NLGN1: variants seen among roughly 807,000 people sequenced by gnomAD.
NLGN1 encodes neuroligin 1, also known as neuroligin-1.
NLGN1 carries 12 observed loss-of-function variants against 65.5 expected under a neutral mutation model. The ratio of observed to expected loss-of-function variants is 0.18; its 90% CI spans 0.12 to 0.30. The LOEUF (loss-of-function observed/expected upper bound fraction) is 0.30, where lower values mean the gene tolerates loss of function less well. NLGN1 is among the 10% of genes least tolerant of loss of function. The pLI is 1.00. For missense variants in NLGN1, 750 were observed against 1,007.1 expected (o/e 0.74, Z 3.46); for synonymous variants, 350 against 359.5 (o/e 0.97, Z 0.30).
chr3:173,709,206 C>T (rs1216290729), intron 3 of NLGN1, among the ~76,000 whole-genome samples: 1 of 152,154 alleles, frequency 6.6e-6, no homozygotes, highest in African/African-American at 2.4e-5. Flanking sequence ...CATGAGTCAG[C>T]CCAGGGCTCT....
intron 3 of NLGN1, among the ~76,000 whole-genome samples, chr3:173,644,004 C>G (rs924667113): frequency 6.6e-6 from 1 of 152,192 alleles, no homozygotes; most frequent in African/African-American, 2.4e-5. Flanking sequence ...ATCACCTGAG[C>G]CCTGGGGCTG....
intron 3 of NLGN1, among the ~76,000 whole-genome samples, chr3:173,712,129 T>C (rs938347372): frequency 6.6e-6 from 1 of 152,180 alleles, no homozygotes; most frequent in Non-Finnish European, 1.5e-5. Flanking sequence ...TAATAATGTA[T>C]GGGGTATGTA....
chr3:173,887,736 T>C (rs918003712), intron 4 of NLGN1, among the ~76,000 whole-genome samples: 37 of 147,718 alleles, frequency 2.5e-4, no homozygotes, highest in African/African-American at 8.5e-4. Flanking sequence ...AAACAGTTTT[T>C]GCTTTCTAAA....
intron 3 of NLGN1, among the ~76,000 whole-genome samples, chr3:173,615,758 TTTTA>T (rs903278051): frequency 1.3e-5 from 2 of 151,878 alleles, no homozygotes; most frequent in African/African-American, 4.8e-5. Flanking sequence ...TTTTTTTTTT[TTTTA>T]AAGCCTAAAG....
At chr3:173,457,141 A>C (rs1373816424) in intron 2 of NLGN1, among the ~76,000 whole-genome samples, 1 of 152,090 alleles carries the variant, frequency 6.6e-6, no homozygotes, top group Non-Finnish European at 1.5e-5. Context: ...AAGGGTGGTG[A>C]ATGAGTTGAG....
At chr3:174,243,294 C>G (rs899964070) in intron 4 of NLGN1, among the ~76,000 whole-genome samples, 3 of 152,140 alleles carry the variant, frequency 2.0e-5, no homozygotes, top group African/African-American at 7.2e-5. Flanking sequence ...TCTATCTTCC[C>G]AGATCCAGGG....
chr3:173,436,536 C>T (rs906695625), intron 2 of NLGN1, among the ~76,000 whole-genome samples: 39 of 152,138 alleles, frequency 2.6e-4, no homozygotes, highest in Admixed American at 2.3e-3. Context: ...TAATTTTAGG[C>T]GTGGTTTAAC....
intron 4 of NLGN1, among the ~76,000 whole-genome samples, chr3:173,962,881 A>C (rs999804972): frequency 6.6e-6 from 1 of 152,146 alleles, no homozygotes; most frequent in Non-Finnish European, 1.5e-5. Context: ...GAGTTAGTCT[A>C]TAATCTTTTC....
intron 4 of NLGN1, among the ~76,000 whole-genome samples, chr3:173,995,665 CTT>C (rs66538676): frequency 7.2e-6 from 1 of 139,654 alleles, no homozygotes; most frequent in African/African-American, 2.6e-5. Flanking sequence ...TTCTTTCATT[CTT>C]TTTTTTTTTT....
At chr3:173,574,933 A>G (rs537781401) in intron 2 of NLGN1, among the ~76,000 whole-genome samples, 4 of 152,344 alleles carry the variant, frequency 2.6e-5, no homozygotes, top group African/African-American at 7.2e-5. Flanking sequence ...CACCTAGGCT[A>G]GAGTGCAGTG....
intron 3 of NLGN1, among the ~76,000 whole-genome samples, chr3:173,702,196 G>A (rs113022779): frequency 1.9e-4 from 27 of 145,576 alleles, no homozygotes; most frequent in African/African-American, 5.9e-4. Flanking sequence ...CCGAGATCCC[G>A]CCACTGCACT....
At chr3:173,772,667 C>CA (rs1779752507) in intron 3 of NLGN1, among the ~76,000 whole-genome samples, 1 of 152,078 alleles carries the variant, frequency 6.6e-6, no homozygotes, top group South Asian at 2.1e-4. Context: ...ATATGCCCCA[C>CA]ATTTTGTTTA....
chr3:173,742,701 T>A (rs1429723723), intron 3 of NLGN1, among the ~76,000 whole-genome samples: 1 of 152,124 alleles, frequency 6.6e-6, no homozygotes, highest in African/African-American at 2.4e-5. Context: ...CCCCTGAGAG[T>A]TCAGTCTACA....
chr3:174,184,736 A>G (rs1478173523), intron 4 of NLGN1, among the ~76,000 whole-genome samples: 1 of 152,216 alleles, frequency 6.6e-6, no homozygotes, highest in Non-Finnish European at 1.5e-5. Context: ...AAATGCTAAC[A>G]GTGGGATCAG....
At position 173,811,687 on chromosome 3, in the gene NLGN1, CAT is replaced by C. The variant is rs1470606913; in HGVS notation, c.646+3856_646+3857del. ...ATGTTCTGATTGTAACTAGGGTAAA[CAT>C]GTTCTTATGGACAAGAATTATAGAA... On this transcript the variant is annotated intron_variant, in intron 4 of 6. Coordinates refer to ENST00000457714, the Ensembl canonical transcript of NLGN1. Among the ~76,000 whole-genome samples, 10 of 150,352 alleles carry C rather than the reference CAT, an allele frequency of 6.7e-5. No homozygotes were observed. In the East Asian group the frequency reaches 1.6e-3, roughly 24 times the overall value.
At chr3:174,107,017 CAGAG>C (rs71162376) in intron 4 of NLGN1, among the ~76,000 whole-genome samples, 6,645 of 97,496 alleles carry the variant, frequency 0.068, 247 homozygotes, top group African/African-American at 0.11. Context: ...CACACACACA[CAGAG>C]AGAGAGAGAG....
chr3:173,873,871 G>C (rs1731642663), intron 4 of NLGN1, among the ~76,000 whole-genome samples: 1 of 152,136 alleles, frequency 6.6e-6, no homozygotes. Context: ...TCTATTTAGA[G>C]ACAGGACCTC....
exon 3 of NLGN1, chr3:173,604,872 G>A (rs1052981284): frequency 2.5e-6 from 4 of 1,613,642 alleles, no homozygotes; most frequent in Admixed American, 1.7e-5. Flanking sequence ...ACCAACAGGG[G>A]AACGTCGTTT....
At chr3:173,423,053 G>C (rs140729364) in intron 1 of NLGN1, among the ~76,000 whole-genome samples, 3 of 152,124 alleles carry the variant, frequency 2.0e-5, no homozygotes, top group Non-Finnish European at 2.9e-5. Context: ...GGTAGAGGGC[G>C]AAGGAGAAGC....
Sources: allele counts gnomAD v4.1 joint callset (sites outside exome capture counted in the v4.1 genomes callset), GRCh38; gene constraint gnomAD v4.1.1; transcripts MANE v1.5; gene names NCBI Gene and HGNC (gene_info 2026-07-23, HGNC 2026-07-21).